The following SEMA6D variants were observed in gnomAD, a reference collection of about 807,000 sequenced individuals.
The protein encoded by SEMA6D is semaphorin 6D.
SEMA6D carries 35 observed loss-of-function variants against 106.6 expected under a neutral mutation model. The observed-to-expected ratio is 0.33, with a 90% CI of 0.25 to 0.44. The LOEUF is 0.44. Ranked by LOEUF, SEMA6D falls within the 20% of genes least tolerant of loss-of-function variation. SEMA6D has a pLI of 1.00. For missense variants in SEMA6D, 1,185 were observed against 1,345.9 expected, an observed-to-expected ratio of 0.88 and a Z score of 1.87; for synonymous variants, 499 against 487.7, an observed-to-expected ratio of 1.02 and a Z score of -0.31.
chr15:47,314,544 G>A (rs2036569188), intron 1 of SEMA6D, among the ~76,000 whole-genome samples: 1 of 121,914 alleles, frequency 8.2e-6, no homozygotes, highest in African/African-American at 2.8e-5. Flanking sequence ...CTTGCAGTGA[G>A]CCGAGATCCC....
chr15:47,694,160 C>A (rs1444655633), intron 4 of SEMA6D, among the ~76,000 whole-genome samples: 4 of 152,228 alleles, frequency 2.6e-5, no homozygotes, highest in Middle Eastern at 3.4e-3. Flanking sequence ...GAAACAGAAA[C>A]TCTTGGGGCA....
At chr15:47,325,238 A>C (rs1468167201) in intron 1 of SEMA6D, among the ~76,000 whole-genome samples, 1 of 151,384 alleles carries the variant, frequency 6.6e-6, no homozygotes, top group African/African-American at 2.4e-5. Flanking sequence ...CAGTGGCGCC[A>C]TCTCGGCTCA....
At chr15:47,561,286 T>C (rs2046074040) in intron 3 of SEMA6D, among the ~76,000 whole-genome samples, 1 of 152,036 alleles carries the variant, frequency 6.6e-6, no homozygotes, top group Non-Finnish European at 1.5e-5. Flanking sequence ...TAACAGCTGA[T>C]TTATTGTCAT....
intron 4 of SEMA6D, among the ~76,000 whole-genome samples, chr15:47,643,207 G>A (rs2077521458): frequency 6.6e-6 from 1 of 152,226 alleles, no homozygotes; most frequent in Non-Finnish European, 1.5e-5. Flanking sequence ...TATACCACAT[G>A]CAGTAAGTGC....
intron 3 of SEMA6D, among the ~76,000 whole-genome samples, chr15:47,482,907 T>C (rs577194323): frequency 2.0e-5 from 3 of 152,202 alleles, no homozygotes; most frequent in East Asian, 1.9e-4. Context: ...TAAGTGTATA[T>C]TGAGAAATTA....
At chr15:47,745,997 G>A (rs538364755) in intron 1 of SEMA6D, among the ~76,000 whole-genome samples, 70 of 152,298 alleles carry the variant, frequency 4.6e-4, no homozygotes, top group African/African-American at 1.6e-3. Flanking sequence ...TAAGGTTAAT[G>A]CTCTAAATCT....
At chr15:47,713,696 T>G (rs1181837948), upstream of SEMA6D, among the ~76,000 whole-genome samples, 1 of 152,234 alleles carries the variant, frequency 6.6e-6, no homozygotes, top group Non-Finnish European at 1.5e-5. Context: ...CGTCCTAAAT[T>G]TTATTATTCA....
chr15:47,196,999 G>A (rs536135333), intron 1 of SEMA6D, among the ~76,000 whole-genome samples: 1 of 152,204 alleles, frequency 6.6e-6, no homozygotes, highest in South Asian at 2.1e-4. Context: ...TCTTAGCACT[G>A]TTAAGAAAAA....
chr15:47,204,380 A>C (rs1894915515), intron 1 of SEMA6D, among the ~76,000 whole-genome samples: 1 of 152,180 alleles, frequency 6.6e-6, no homozygotes, highest in Non-Finnish European at 1.5e-5. Flanking sequence ...ATCATTAATG[A>C]GACACTGTAA....
chr15:47,685,505 G>A (rs1235592974), intron 4 of SEMA6D, among the ~76,000 whole-genome samples: 2 of 152,196 alleles, frequency 1.3e-5, no homozygotes, highest in Non-Finnish European at 2.9e-5. Flanking sequence ...AAGGAGATGG[G>A]AGGGAATTTG....
chr15:47,291,288 A>G lies in SEMA6D; in HGVS notation c.-239+106870A>G, dbSNP rs140421650. Among the ~76,000 whole-genome samples, 24 of 152,322 alleles carry G rather than the reference A, an allele frequency of 1.6e-4. No individual in the cohort carries two copies. In the East Asian group the frequency reaches 4.4e-3, roughly 28 times the overall value. ...AAACATGAATTGCCTTTGTGTTCAC[A>G]TGTTGTAACTGGAGAAGAAACTTGG... On this transcript the variant is annotated intron_variant, in intron 1 of 19. Coordinates refer to the SEMA6D transcript ENST00000558014.
intron 3 of SEMA6D, among the ~76,000 whole-genome samples, chr15:47,534,411 G>C (rs1020931699): frequency 6.6e-6 from 1 of 151,950 alleles, no homozygotes; most frequent in Non-Finnish European, 1.5e-5. Flanking sequence ...TCCAACTCCT[G>C]GCCTCAAGTG....
At chr15:47,627,265 C>T (rs2573565) in intron 4 of SEMA6D, among the ~76,000 whole-genome samples, 147,747 of 152,262 alleles carry the variant, frequency 0.97, 71,839 homozygotes, top group Middle Eastern at 1. Context: ...CATTCCCAGA[C>T]CTCCATCTCA....
intron 1 of SEMA6D, among the ~76,000 whole-genome samples, chr15:47,210,947 G>C (rs1361044806): frequency 6.6e-6 from 1 of 151,866 alleles, no homozygotes; most frequent in African/African-American, 2.4e-5. Flanking sequence ...AACAGTAGTG[G>C]ATATAATGTC....
chr15:47,555,946 G>T (rs531941168), intron 3 of SEMA6D, among the ~76,000 whole-genome samples: 1 of 152,084 alleles, frequency 6.6e-6, no homozygotes, highest in East Asian at 1.9e-4. Context: ...ATAGCTGGGG[G>T]TACTCATCAT....
intron 4 of SEMA6D, among the ~76,000 whole-genome samples, chr15:47,637,581 A>G (rs771325080): frequency 9.2e-5 from 14 of 152,316 alleles, no homozygotes; most frequent in South Asian, 8.3e-4. Flanking sequence ...CAGTTTTTCA[A>G]TGAGAATGAT....
chr15:47,496,766 GTGA>G (rs1218848413), intron 3 of SEMA6D, among the ~76,000 whole-genome samples: 1 of 151,942 alleles, frequency 6.6e-6, no homozygotes, highest in Admixed American at 6.6e-5. Flanking sequence ...CAACATTCTA[GTGA>G]TGATGATTCA....
intron 9 of SEMA6D, 53 bp from the exon 10 acceptor site, chr15:47,763,797 C>T (rs2082190509): frequency 1.4e-6 from 2 of 1,478,058 alleles, no homozygotes; most frequent in African/African-American, 2.8e-5. Context: ...CATTTTGTTT[C>T]CATTCCTTTC....
upstream of SEMA6D, among the ~76,000 whole-genome samples, chr15:47,715,101 T>C (rs1449939484): frequency 6.6e-6 from 1 of 152,174 alleles, no homozygotes; most frequent in African/African-American, 2.4e-5. Context: ...AAACAAATTG[T>C]TGGCTAGAAG....
Sources: gnomAD v4.1 joint callset for allele counts (sites outside exome capture counted in the v4.1 genomes callset) on GRCh38, gnomAD v4.1.1 for gene constraint, MANE v1.5 for transcripts, NCBI Gene and HGNC (gene_info 2026-07-23, HGNC 2026-07-21) for gene names.